Variants in ACSS2 observed in about 807,000 individuals in gnomAD.
ACSS2 encodes the protein acyl-CoA synthetase short chain family member 2.
Under a neutral mutation model 90.6 loss-of-function variants are expected in ACSS2, and 58 were observed. That is an observed-to-expected ratio of 0.64 (90% CI 0.52 to 0.80). The LOEUF is 0.80. ACSS2 is among the 30% of genes least tolerant of loss of function. The pLI is 0.00. For missense variants in ACSS2, 759 were observed against 912.0 expected (o/e 0.83, Z 2.16); for synonymous variants, 300 against 330.9 (o/e 0.91, Z 1.01).
At chr20:34,923,549 A>G in intron 14 of ACSS2, 118 bp downstream of exon 14, 1 of 751,994 alleles carries the variant, frequency 1.3e-6, no homozygotes. Context: ...GTGATTTATA[A>G]AGAAAAGAGG....
At position 34,876,771 on chromosome 20, in the gene ACSS2, C is replaced by G. The variant is rs2079922808; in HGVS notation, c.126C>G (p.Pro42=). The part of the protein sequence containing the change: ...PPEVSRSAHV[P]SLQRYRELHR... ...AGGTCAGCCGCTCCGCGCACGTCCC[C>G]TCGCTGCAGCGCTACCGCGAGCTGC... The change falls in exon 1 of 18, where the codon CCC becomes CCG. Residue 42 remains proline, a synonymous_variant. Coordinates refer to ENST00000360596, the MANE Select transcript of ACSS2 (RefSeq NM_018677.4). 1 of 1,407,650 alleles carries G rather than the reference C, an allele frequency of 7.1e-7. No individual in the cohort carries two copies. The highest frequency in any genetic ancestry group is 9.3e-7 in the Non-Finnish European group (1 of 1,071,878). 87.2% of individuals were successfully genotyped at this position (1,407,650 alleles called of 1,614,324 possible). A position where few individuals can be genotyped will look rare whatever the true frequency, so the allele number is the denominator to read the frequency against.
chr20:34,908,880 A>C lies in ACSS2; in HGVS notation c.375-4216A>C, dbSNP rs759266152. The C allele has an allele frequency of 1.2e-5, 5 of 423,940 alleles. 1 individual carries two copies. Among genetic ancestry groups the C allele is most frequent in the South Asian group, 8.7e-5 (5 of 57,668 alleles). 26.3% of individuals were successfully genotyped at this position (423,940 alleles called of 1,614,324 possible). On this transcript the variant is annotated intron_variant, in intron 2 of 17. Coordinates refer to ENST00000360596, the MANE Select transcript of ACSS2 (RefSeq NM_018677.4). Reference sequence around the variant, plus strand: ...CCATCTTGGGAAAAAAAAAAAAAAAAAGCACACATCTCTTGAACCAACAGG... The same window carrying C: ...CCATCTTGGGAAAAAAAAAAAAAAACAGCACACATCTCTTGAACCAACAGG...
Position 34,898,873 on chromosome 20 carries a change from C to T in ACSS2, c.375-14223C>T, listed in dbSNP as rs373066717. ...GGGGGCGGTGCTCGTCGGGGGGGCT[C>T]GGGCCGCACAGGAGCCCACGGTGGG... On this transcript the variant is annotated intron_variant, in intron 2 of 17. Coordinates refer to ENST00000360596, the MANE Select transcript of ACSS2 (RefSeq NM_018677.4). 6.6e-3 allele frequency among the ~76,000 whole-genome samples: 978 copies of T among 148,470 alleles called. 10 individuals carry two copies. Among genetic ancestry groups the T allele is most frequent in the South Asian group, 0.023 (109 of 4,706 alleles).
At chr20:34,904,119 T>G (rs1046461149) in intron 2 of ACSS2, among the ~76,000 whole-genome samples, 15 of 151,844 alleles carry the variant, frequency 9.9e-5, no homozygotes, top group Non-Finnish European at 2.2e-4. Flanking sequence ...ATAAAGGGCT[T>G]TGGGAGGAAG....
chr20:34,878,912 C>CTTTT (rs552565582), intron 1 of ACSS2, among the ~76,000 whole-genome samples: 1 of 108,108 alleles, frequency 9.3e-6, no homozygotes, highest in Non-Finnish European at 1.8e-5. Context: ...TTTTTTTTTT[C>CTTTT]TTTTTTTTTT....
rs561626429 is a variant in ACSS2, at chr20:34,877,687, C to T, written c.178+864C>T. On this transcript the variant is annotated intron_variant, in intron 1 of 17. Transcript: ENST00000360596. ...TACAAAAATTAGCCGGGTGTGGTGG[C>T]GGGCACCTGTAATCCCAGCTACTCG... 2.6e-5 allele frequency among the ~76,000 whole-genome samples: 4 copies of T among 151,790 alleles called. No homozygotes were observed. In the South Asian group the frequency reaches 8.3e-4, roughly 32 times the overall value.
intron 2 of ACSS2, among the ~76,000 whole-genome samples, chr20:34,888,785 G>T (rs2080260773): frequency 6.6e-6 from 1 of 152,196 alleles, no homozygotes; most frequent in Admixed American, 6.5e-5. Flanking sequence ...CACGCAGATA[G>T]TTGGGGTAGG....
intron 2 of ACSS2, among the ~76,000 whole-genome samples, chr20:34,908,340 T>G (rs1274793688): frequency 6.6e-6 from 1 of 152,208 alleles, no homozygotes; most frequent in Non-Finnish European, 1.5e-5. Context: ...CTTACCCAAC[T>G]TCTTGCTCAC....
At chr20:34,889,413 C>T (rs1156566881) in intron 2 of ACSS2, among the ~76,000 whole-genome samples, 2 of 36,420 alleles carry the variant, frequency 5.5e-5, no homozygotes, top group African/African-American at 1.5e-4. Context: ...TGTGCCACTG[C>T]GCCTGGCCAA....
intron 14 of ACSS2, among the ~76,000 whole-genome samples, chr20:34,924,689 T>A (rs1364934220): frequency 8.9e-6 from 1 of 112,410 alleles, no homozygotes; most frequent in Non-Finnish European, 2.0e-5. Context: ...TTTTTTGTTG[T>A]TGTTGTTGTT....
intron 14 of ACSS2, among the ~76,000 whole-genome samples, 197 bp from the exon 15 acceptor site, chr20:34,925,501 A>C (rs2081296925): frequency 6.6e-6 from 1 of 152,074 alleles, no homozygotes; most frequent in South Asian, 2.1e-4. Context: ...GTACAATGAG[A>C]AAGAGGACTG....
chr20:34,898,972 G>A (rs966687975), intron 2 of ACSS2, among the ~76,000 whole-genome samples: 1 of 152,238 alleles, frequency 6.6e-6, no homozygotes, highest in African/African-American at 2.4e-5. Flanking sequence ...AAGGCCTGGC[G>A]AGAAATGGAG....
At chr20:34,907,508 A>G (rs2080838632) in intron 2 of ACSS2, among the ~76,000 whole-genome samples, 1 of 152,238 alleles carries the variant, frequency 6.6e-6, no homozygotes, top group African/African-American at 2.4e-5. Flanking sequence ...AGATAAGTCC[A>G]TGTTTGAATC....
chr20:34,921,672 T>C, intron 12 of ACSS2, 72 bp downstream of exon 12: 3 of 1,611,620 alleles, frequency 1.9e-6, no homozygotes, highest in Non-Finnish European at 1.7e-6. Context: ...CCTAGTTAGA[T>C]AGTGGAGAAC....
chr20:34,921,052 T>C lies in ACSS2; in HGVS notation c.1190T>C (p.Ile397Thr), dbSNP rs752393225. The C allele has an allele frequency of 3.1e-5, 50 of 1,614,058 alleles. No individual in the cohort carries two copies. Among genetic ancestry groups the C allele is most frequent in the South Asian group, 1.4e-4 (13 of 91,068 alleles). Residue 397 changes from isoleucine (I) to threonine (T), a missense_variant, in exon 10 of 18, where the codon ATT becomes ACT. By Grantham distance (89) the Ile-to-Thr change is moderately conservative. Coordinates refer to ENST00000360596, the MANE Select transcript of ACSS2 (RefSeq NM_018677.4). Reference protein sequence around the residue: ...TYPDVNRLWSIVDKYKVTKFY... With the variant: ...TYPDVNRLWSTVDKYKVTKFY... ...CCGGACGTGAACCGCCTGTGGAGCA[T>C]TGTGGACAAATACAAGGTGACCAAG... is the stretch of plus-strand genomic sequence containing the variant.
At chr20:34,923,217 C>A in intron 13 of ACSS2, 106 bp from the exon 14 acceptor site, 2 of 816,302 alleles carry the variant, frequency 2.5e-6, no homozygotes, top group Non-Finnish European at 4.1e-6. Flanking sequence ...GTCTCCAAAG[C>A]CTGTACTTCA....
At chr20:34,920,266 C>T (rs2081166845) in intron 8 of ACSS2, among the ~76,000 whole-genome samples, 2 of 152,062 alleles carry the variant, frequency 1.3e-5, no homozygotes. Flanking sequence ...TATGAGTGCT[C>T]ATGTGTGAGT....
At chr20:34,882,742 C>T (rs2080096643) in intron 1 of ACSS2, 52 bp from the exon 2 acceptor site, 1 of 1,576,178 alleles carries the variant, frequency 6.3e-7, no homozygotes, top group Non-Finnish European at 8.7e-7. Context: ...CCTTCTGAGG[C>T]TAAATATGTC....
chr20:34,906,893 A>T (rs1030119589), intron 2 of ACSS2, among the ~76,000 whole-genome samples: 2 of 147,842 alleles, frequency 1.4e-5, no homozygotes, highest in African/African-American at 5.0e-5. Flanking sequence ...TGAGGCAGGG[A>T]GAATTGCTTG....
Sources: allele counts gnomAD v4.1 joint callset (sites outside exome capture counted in the v4.1 genomes callset), GRCh38; gene constraint gnomAD v4.1.1; transcripts MANE v1.5; gene names NCBI Gene and HGNC (gene_info 2026-07-23, HGNC 2026-07-21).